Variants in CORO2B observed in about 807,000 individuals in gnomAD.
CORO2B encodes the protein coronin-2B.
A neutral mutation model predicts 58.8 loss-of-function variants in CORO2B; 26 were observed. That is an observed-to-expected ratio of 0.44 (90% CI 0.32 to 0.61). The LOEUF (loss-of-function observed/expected upper bound fraction) is 0.61. CORO2B is among the 20% of genes least tolerant of loss of function. The probability of loss-of-function intolerance (pLI) is 0.04; values close to 1 mark genes in which losing one functional copy is unlikely to be tolerated. For missense variants in CORO2B, 460 were observed against 645.1 expected, an observed-to-expected ratio of 0.71 and a Z score of 3.11; for synonymous variants, 242 against 253.8, an observed-to-expected ratio of 0.95 and a Z score of 0.44.
Position 68,579,134 on chromosome 15 carries a change from G to C in CORO2B, c.-129G>C. 8.1e-6 allele frequency: 8 copies of C among 981,610 alleles called. No homozygotes were observed. Among genetic ancestry groups the C allele is most frequent in the South Asian group, 4.6e-5 (1 of 21,880 alleles). 60.8% of individuals were successfully genotyped at this position (981,610 alleles called of 1,614,324 possible). On this transcript the variant is annotated 5_prime_UTR_variant, in exon 1 of 12. Coordinates refer to ENST00000261861, the MANE Select transcript of CORO2B (RefSeq NM_006091.5). ...CGCCCGGAGCGCAGCCCCCAGGCTC[G>C]GCCGAGCCGCCGGCGGGGCGCGGGG...
chr15:68,567,906 G>C, the CORO2B span, among the ~76,000 whole-genome samples: 16 of 152,208 alleles, frequency 1.1e-4, no homozygotes, highest in Non-Finnish European at 1.8e-4. Context: ...TGTAATCCCA[G>C]CTACTTGGGA....
chr15:68,607,305 A>G (rs925707274), intron 1 of CORO2B, among the ~76,000 whole-genome samples: 4 of 152,262 alleles, frequency 2.6e-5, no homozygotes, highest in East Asian at 1.9e-4. Flanking sequence ...GCATCTACAC[A>G]TGGTGTCTCC....
At chr15:68,607,038 C>T (rs1019572344) in intron 1 of CORO2B, among the ~76,000 whole-genome samples, 4 of 152,168 alleles carry the variant, frequency 2.6e-5, no homozygotes, top group African/African-American at 4.8e-5. Context: ...CTGGTTTTCT[C>T]CCTGGCTCAC....
rs112389689 is a variant in CORO2B at position 68,607,278 on chromosome 15, T to C, written c.15+28001T>C. ...GGATGACTTGAAGGCTGGACTGGGC[T>C]GGGACTGTTGACTGGAGCATCTACA... On this transcript the variant is annotated intron_variant, in intron 1 of 11. Transcript: ENST00000261861. Among the ~76,000 whole-genome samples, 1,159 of 152,258 alleles carry C rather than the reference T, an allele frequency of 7.6e-3. 9 individuals carry two copies. Among genetic ancestry groups the C allele is most frequent in the South Asian group, 0.011 (55 of 4,820 alleles).
At chr15:68,549,776 T>C in the CORO2B span, among the ~76,000 whole-genome samples, 1 of 152,104 alleles carries the variant, frequency 6.6e-6, no homozygotes, top group East Asian at 1.9e-4. Flanking sequence ...CTGTCTCTAC[T>C]AAAAATACAA....
rs35340917 is a variant in CORO2B, at chr15:68,605,711, G to GTTTTT, written c.15+26459_15+26463dup. The stretch of plus-strand genomic sequence containing the variant: ...GGGAGGAGTCACAGAGGGCTCTTGG[G>GTTTTT]TTTTTTTTTTTTTTTTTTTTTTTTT... On this transcript the variant is annotated intron_variant, in intron 1 of 11. Coordinates refer to ENST00000261861, the MANE Select transcript of CORO2B (RefSeq NM_006091.5). 1.8e-4 allele frequency among the ~76,000 whole-genome samples: 18 copies of GTTTTT among 99,144 alleles called. 2 individuals carry two copies. Among genetic ancestry groups the GTTTTT allele is most frequent in the African/African-American group, 5.1e-4 (11 of 21,488 alleles). The allele number at this position is 99,144 out of a possible 152,430, so 65.0% of individuals were successfully genotyped here.
chr15:68,583,470 C>G (rs1899478923), intron 1 of CORO2B, among the ~76,000 whole-genome samples: 1 of 152,190 alleles, frequency 6.6e-6, no homozygotes, highest in Admixed American at 6.5e-5. Flanking sequence ...GCATTCTGAG[C>G]AGGCACAAAT....
chr15:68,659,711 A>G (rs2140285543), intron 2 of CORO2B, among the ~76,000 whole-genome samples: 1 of 152,360 alleles, frequency 6.6e-6, no homozygotes, highest in Non-Finnish European at 1.5e-5. Flanking sequence ...AGGCGGACAG[A>G]TCACCTGAGG....
At chr15:68,631,950 C>T (rs1032927427) in intron 1 of CORO2B, 1 of 985,500 alleles carries the variant, frequency 1.0e-6, no homozygotes, top group Non-Finnish European at 1.2e-6. Context: ...TGCCATCCCT[C>T]AGCATCGCTG....
chr15:68,722,653 A>G (rs1893190009), intron 11 of CORO2B, among the ~76,000 whole-genome samples: 2 of 152,268 alleles, frequency 1.3e-5, no homozygotes, highest in Non-Finnish European at 2.9e-5. Flanking sequence ...AAGAGTGTGT[A>G]GAGTCATTTA....
intron 1 of CORO2B, among the ~76,000 whole-genome samples, chr15:68,588,007 C>T (rs1486078501): frequency 6.6e-6 from 1 of 152,190 alleles, no homozygotes; most frequent in Admixed American, 6.5e-5. Context: ...TGTCTCTGAG[C>T]GTCTGTGAAA....
At chr15:68,578,653 C>T (rs1479111961), upstream of CORO2B, among the ~76,000 whole-genome samples, 1 of 152,020 alleles carries the variant, frequency 6.6e-6, no homozygotes, top group Non-Finnish European at 1.5e-5. This position sits in a 1 kb window ranked among gnomAD's most constrained non-coding sequence, Gnocchi z 4.2. Context: ...AGCGCCTCGG[C>T]CGTCCAGCCT....
At chr15:68,545,618 G>A in the CORO2B span, among the ~76,000 whole-genome samples, 1 of 149,746 alleles carries the variant, frequency 6.7e-6, no homozygotes, top group African/African-American at 2.5e-5. Flanking sequence ...GGGGCGGGGG[G>A]GGTAATACTG....
intron 11 of CORO2B, 47 bp from the exon 12 acceptor site, chr15:68,725,796 T>TGAG: frequency 6.2e-7 from 1 of 1,607,022 alleles, no homozygotes; most frequent in East Asian, 2.2e-5. Flanking sequence ...TTGTCTCACC[T>TGAG]GCTCTCTCCT....
intron 5 of CORO2B, 86 bp from the exon 6 acceptor site, chr15:68,713,839 T>A: frequency 1.2e-6 from 1 of 850,436 alleles, no homozygotes; most frequent in Non-Finnish European, 2.0e-6. Flanking sequence ...AGGACATGGG[T>A]GTATCTTTTC....
At chr15:68,587,177 C>A (rs59728031) in intron 1 of CORO2B, among the ~76,000 whole-genome samples, 1 of 151,850 alleles carries the variant, frequency 6.6e-6, no homozygotes. Flanking sequence ...TCCTGGGCAA[C>A]GTAGTGAGAC....
At chr15:68,724,215 T>C (rs1893237712) in intron 11 of CORO2B, among the ~76,000 whole-genome samples, 1 of 152,096 alleles carries the variant, frequency 6.6e-6, no homozygotes, top group East Asian at 1.9e-4. Flanking sequence ...AACAAACAAA[T>C]AAATAAATAA....
intron 1 of CORO2B, among the ~76,000 whole-genome samples, chr15:68,584,857 G>A (rs972105026): frequency 3.3e-5 from 5 of 151,636 alleles, no homozygotes; most frequent in African/African-American, 1.2e-4. Flanking sequence ...GCCAGGGAAG[G>A]ACAGATGCAA....
At chr15:68,569,341 C>G in the CORO2B span, among the ~76,000 whole-genome samples, 1 of 152,232 alleles carries the variant, frequency 6.6e-6, no homozygotes, top group Non-Finnish European at 1.5e-5. Context: ...TTCGCTGTCT[C>G]CATAGTTCTG....
Sources: allele counts gnomAD v4.1 joint callset (sites outside exome capture counted in the v4.1 genomes callset), GRCh38; gene constraint gnomAD v4.1.1; non-coding constraint Gnocchi (gnomAD v3.1); transcripts MANE v1.5; gene names NCBI Gene and HGNC (gene_info 2026-07-23, HGNC 2026-07-21).